Variants in CCDC22 observed in about 807,000 individuals in gnomAD.
The protein encoded by CCDC22 is coiled-coil domain-containing protein 22.
In CCDC22, 4 loss-of-function variants were observed where a neutral mutation model predicts 53.1. The ratio of observed to expected loss-of-function variants is 0.08; its 90% CI spans 0.04 to 0.17. The LOEUF (loss-of-function observed/expected upper bound fraction) is 0.17, where lower values mean the gene tolerates loss of function less well. CCDC22 is among the 10% of genes least tolerant of loss of function. The pLI, the probability that CCDC22 is intolerant of heterozygous loss-of-function variation, is 1.00. For synonymous variants in CCDC22, 222 were observed against 224.4 expected (o/e 0.99, Z 0.10); for missense variants, 458 against 554.0 (o/e 0.83, Z 1.74).
chrX:49,245,856 C>T (rs1238223848), intron 6 of CCDC22, among the ~76,000 whole-genome samples: 1 of 112,463 alleles, frequency 8.9e-6, no homozygotes, highest in Non-Finnish European at 1.9e-5. Context: ...ATACTTAGGA[C>T]TACATCTCTT....
intron 1 of CCDC22, chrX:49,236,790 C>A: frequency 3.7e-6 from 1 of 269,965 alleles, no homozygotes. Context: ...CCAAGAAACC[C>A]AGAGATTGTG....
At chrX:49,243,607 C>T in intron 6 of CCDC22, 145 bp downstream of exon 6, 2 of 478,043 alleles carry the variant, frequency 4.2e-6, no homozygotes, top group Middle Eastern at 6.1e-4. Context: ...CCTGAAAGAA[C>T]ACTGGAGTCA....
At chrX:49,246,057 T>G (rs2065988411) in intron 6 of CCDC22, among the ~76,000 whole-genome samples, 1 of 110,004 alleles carries the variant, frequency 9.1e-6, no homozygotes, top group Non-Finnish European at 1.9e-5. Context: ...GTGATGTCGC[T>G]TCACTGCAAC....
chrX:49,245,666 T>C (rs2065985717), intron 6 of CCDC22, among the ~76,000 whole-genome samples: 1 of 112,624 alleles, frequency 8.9e-6, no homozygotes, highest in Admixed American at 9.4e-5. Context: ...CCACCACGCC[T>C]GGCTGTCTGT....
intron 1 of CCDC22, 27 bp downstream of exon 1, chrX:49,235,713 C>G: frequency 8.7e-7 from 1 of 1,154,066 alleles, no homozygotes; most frequent in Non-Finnish European, 1.2e-6. Context: ...CGCCCACCCC[C>G]GAAGCCCACA....
rs904046877 is a variant in CCDC22, at chrX:49,250,217, C to T, written c.1840C>T (p.Arg614Cys). 8.6e-6 allele frequency: 10 copies of T among 1,163,022 alleles called. No individual in the cohort carries two copies. Among genetic ancestry groups the T allele is most frequent in the Non-Finnish European group, 5.8e-6 (5 of 869,228 alleles). The change falls in exon 17 of 17, where the codon CGC (arginine) becomes TGC (cysteine). Residue 614 changes from arginine (R) to cysteine (C), a missense_variant. By Grantham distance (180) the Arg-to-Cys change is radical. Around this residue, in one of 4 missense-constraint regions of CCDC22, gnomAD observed 46 missense variants for 52.3 expected, o/e 0.88. Transcript: ENST00000376227. ...GATCCGGGAGGACTACCGAGCCCTC[C>T]GCCAGGAGAACGCTGGCCTCCTAGG... ...EKIREDYRAL[R>C]QENAGLLGRV...
At chrX:49,238,904 G>A (rs2065951312) in intron 2 of CCDC22, among the ~76,000 whole-genome samples, 1 of 111,854 alleles carries the variant, frequency 8.9e-6, no homozygotes, top group Non-Finnish European at 1.9e-5. Flanking sequence ...CCCATTCCCA[G>A]TATAGAGCTG....
chrX:49,249,372 G>A, intron 14 of CCDC22, 110 bp downstream of exon 14: 1 of 857,962 alleles, frequency 1.2e-6, no homozygotes, highest in Non-Finnish European at 1.7e-6. Flanking sequence ...GAGGCTGGAG[G>A]TGCACTGATA....
In CCDC22 at chrX:49,246,907, G is replaced by C; in HGVS notation, c.891G>C (p.Glu297Asp). Residue 297 changes from glutamate (E) to aspartate (D), a missense_variant, in exon 7 of 17, where the codon GAG (glutamate) becomes GAC (aspartate). Transcript: ENST00000376227. Reference sequence around the variant, plus strand: ...AGGGCTCCCGCTTCACGCACTCAGAGAAGTTCACCTTCCATCTGGTGGGTG... The same window carrying C: ...AGGGCTCCCGCTTCACGCACTCAGACAAGTTCACCTTCCATCTGGTGGGTG... The part of the protein sequence containing the change: ...APKGSRFTHS[E>D]KFTFHLEPQA... 8.4e-7 allele frequency: 1 copy of C among 1,196,296 alleles called. No individual in the cohort carries two copies. Among genetic ancestry groups the C allele is most frequent in the Non-Finnish European group, 1.1e-6 (1 of 887,191 alleles).
chrX:49,249,026 C>CT (rs1260287376), intron 13 of CCDC22, 102 bp downstream of exon 13: 5 of 1,135,771 alleles, frequency 4.4e-6, no homozygotes, highest in African/African-American at 3.6e-5. Flanking sequence ...CAGTCACACT[C>CT]TAACACAGAA....
chrX:49,247,003 C>A lies in CCDC22; in HGVS notation c.909+78C>A, dbSNP rs1174742426. On this transcript the variant is annotated intron_variant, in intron 7 of 16. Coordinates refer to ENST00000376227, the MANE Select transcript of CCDC22 (RefSeq NM_014008.5). Reference sequence around the variant, plus strand: ...GGTGGCTTTTTGTGTCAGCACCACACCTTTATCCACACAGGTTCCTGTGTT... The same window carrying A: ...GGTGGCTTTTTGTGTCAGCACCACAACTTTATCCACACAGGTTCCTGTGTT... The A allele has an allele frequency of 4.7e-6, 4 of 842,201 alleles. No individual in the cohort carries two copies. The Admixed American group carries it at 1.0e-4, about 22-fold the overall frequency. The allele number at this position is 842,201 out of a possible 1,213,427, so 69.4% of individuals were successfully genotyped here.
chrX:49,249,211 A>G lies in CCDC22; in HGVS notation c.1584A>G (p.Leu528=), dbSNP rs1557114917. The change falls in exon 14 of 17, where the codon CTA becomes CTG. Residue 528 remains leucine (L), a synonymous_variant. Coordinates refer to ENST00000376227, the MANE Select transcript of CCDC22 (RefSeq NM_014008.5). ...TKELQKEINS[L]SGKLDRTFAV... ...AGCTTCAGAAGGAAATCAACTCCCT[A>G]TCTGGGAAGCTGGACCGGACGTTTG... is the stretch of plus-strand genomic sequence containing the variant. 8.3e-7 allele frequency: 1 copy of G among 1,210,326 alleles called. No homozygotes were observed.
rs782387977 is a variant in CCDC22 at position 49,248,805 on chromosome X, A to T, written c.1432-12A>T. 9.8e-5 allele frequency: 118 copies of T among 1,206,273 alleles called. No individual in the cohort carries two copies. The Admixed American group carries it at 1.1e-3, about 12-fold the overall frequency. On this transcript the variant is annotated splice_polypyrimidine_tract_variant and intron_variant, in intron 12 of 16. Coordinates refer to ENST00000376227, the MANE Select transcript of CCDC22 (RefSeq NM_014008.5). The stretch of plus-strand genomic sequence containing the variant: ...ATGGTCCTGGGGCAGTGCCTGCTAT[A>T]TCCCTGCCTAGATGTCAGAGCTGGA...
intron 2 of CCDC22, chrX:49,239,529 G>A (rs2065953982): frequency 3.3e-6 from 2 of 602,228 alleles, no homozygotes; most frequent in South Asian, 1.7e-4. Context: ...AGTAACTACC[G>A]TGAAAACTTT....
In CCDC22 at chrX:49,240,952, G is replaced by A. The variant is rs2065960745; in HGVS notation, c.229-1064G>A. Among the ~76,000 whole-genome samples the A allele has an allele frequency of 2.7e-5, 3 of 112,488 alleles. No individual in the cohort carries two copies. In the South Asian group the frequency reaches 1.1e-3, roughly 41 times the overall value. On this transcript the variant is annotated intron_variant, in intron 2 of 16. Coordinates refer to ENST00000376227, the MANE Select transcript of CCDC22 (RefSeq NM_014008.5). ...AGTATAGAATAATGATGGCTTCTAAGTGTACTCTGTGCCAGGCCCTGTGGT... is the reference window on the plus strand; with the variant it reads ...AGTATAGAATAATGATGGCTTCTAAATGTACTCTGTGCCAGGCCCTGTGGT...
In CCDC22 at chrX:49,248,429, A is replaced by G. The variant is rs2066003014; in HGVS notation, c.1235A>G (p.Gln412Arg). 1.7e-6 allele frequency: 2 copies of G among 1,210,727 alleles called. No homozygotes were observed. Among genetic ancestry groups the G allele is most frequent in the East Asian group, 5.9e-5 (2 of 33,817 alleles). The part of the protein sequence containing the change: ...KLQLVVENSA[Q>R]RVIHLAGQWE... ...CAGCTTGTGGTGGAGAATAGTGCCC[A>G]GCGGGTCATCCACTTGGCGGGTCAG... Residue 412 changes from glutamine to arginine, a missense_variant, in exon 11 of 17, where the codon CAG (glutamine) becomes CGG (arginine). Coordinates refer to ENST00000376227, the MANE Select transcript of CCDC22 (RefSeq NM_014008.5).
rs1297851154 is a variant in CCDC22, at chrX:49,248,719, G to C, written c.1416G>C (p.Glu472Asp). The C allele has an allele frequency of 6.4e-5, 77 of 1,208,239 alleles. No individual in the cohort carries two copies. The highest frequency in any genetic ancestry group is 8.4e-5 in the Non-Finnish European group (75 of 894,506). ...CTGAAGAGGCCCGCAGGAAGGAGGA[G>C]GTCTATAAGCAGCTGGTAAGGCCTG... ...AAAEEARRKE[E>D]VYKQLMSELE... Residue 472 changes from glutamate (E) to aspartate (D), a missense_variant, in exon 12 of 17, where the codon GAG becomes GAC. Physicochemically the swap from Glu to Asp is conservative, Grantham distance 45. This residue lies in a region of CCDC22 where 309 missense variants were observed against 312.3 expected (regional missense o/e 0.99). Transcript: ENST00000376227.
chrX:49,250,314 G>T lies in CCDC22; in HGVS notation c.*53G>T. ...GCCTCAGGCAGGGATTTGGGGTGCT[G>T]GAGGCAGTGGCCAAGCACATGCCCT... is the stretch of plus-strand genomic sequence containing the variant. On this transcript the variant is annotated 3_prime_UTR_variant, in exon 17 of 17. Transcript: ENST00000376227. 1.5e-6 allele frequency: 1 copy of T among 682,137 alleles called. No homozygotes were observed. Among genetic ancestry groups the T allele is most frequent in the East Asian group, 3.5e-5 (1 of 28,551 alleles). 56.2% of individuals were successfully genotyped at this position (682,137 alleles called of 1,213,427 possible). A position where few individuals can be genotyped will look rare whatever the true frequency, so the allele number is the denominator to read the frequency against.
Position 49,237,330 on chromosome X carries a change from TTGCAACACTTGCCTTTCCTC to T in CCDC22, c.228+110_228+129del, listed in dbSNP as rs782252827. ...TCTTTTACAAAGTAACCAAGTTCCT[TTGCAACACTTGCCTTTCCTC>T]TGCAACACTTGCCTTTCCTCTGCAA... On this transcript the variant is annotated intron_variant, in intron 2 of 16. Coordinates refer to ENST00000376227, the MANE Select transcript of CCDC22 (RefSeq NM_014008.5). The T allele has an allele frequency of 3.3e-3, 3,307 of 992,646 alleles. 12 individuals carry two copies. Among genetic ancestry groups the T allele is most frequent in the African/African-American group, 4.4e-3 (234 of 53,396 alleles). 81.8% of individuals were successfully genotyped at this position (992,646 alleles called of 1,213,427 possible). A position where few individuals can be genotyped will look rare whatever the true frequency, so the allele number is the denominator to read the frequency against.
Sources: gnomAD v4.1 joint callset for allele counts (sites outside exome capture counted in the v4.1 genomes callset) on GRCh38, gnomAD v4.1.1 for gene constraint, gnomAD v4.1.1 regional missense constraint, MANE v1.5 for transcripts, NCBI Gene and HGNC (gene_info 2026-07-23, HGNC 2026-07-21) for gene names.